Variants in IL1RAPL2 observed in about 807,000 individuals in gnomAD.
IL1RAPL2 encodes the protein interleukin 1 receptor accessory protein like 2.
In IL1RAPL2, 3 loss-of-function variants were observed where a neutral mutation model predicts 44.1. The ratio of observed to expected loss-of-function variants is 0.07; its 90% CI spans 0.03 to 0.18. The LOEUF (loss-of-function observed/expected upper bound fraction) is 0.18. Among genes scored for constraint, IL1RAPL2 ranks in the 10% least tolerant of loss-of-function variants. The pLI is 1.00. For missense variants in IL1RAPL2, 391 were observed against 496.4 expected, an observed-to-expected ratio of 0.79 and a Z score of 2.02; for synonymous variants, 181 against 178.8, an observed-to-expected ratio of 1.01 and a Z score of -0.10.
intron 2 of IL1RAPL2, among the ~76,000 whole-genome samples, chrX:105,192,254 C>T (rs1603000459): frequency 8.9e-6 from 1 of 112,250 alleles, no homozygotes. Flanking sequence ...ATCTGACTTG[C>T]ATGCATTACT....
At chrX:104,815,634 G>A (rs1390449456) in intron 2 of IL1RAPL2, among the ~76,000 whole-genome samples, 1 of 111,943 alleles carries the variant, frequency 8.9e-6, no homozygotes. Context: ...ATTTATACAT[G>A]TAATGTGTGT....
At chrX:105,618,267 GT>G (rs2037393006) in intron 6 of IL1RAPL2, among the ~76,000 whole-genome samples, 2 of 109,535 alleles carry the variant, frequency 1.8e-5, no homozygotes, top group African/African-American at 6.6e-5. Context: ...AGACACTGGG[GT>G]ATATTGCAGG....
intron 2 of IL1RAPL2, among the ~76,000 whole-genome samples, chrX:104,963,646 G>A (rs760327441): frequency 2.7e-5 from 3 of 110,958 alleles, no homozygotes; most frequent in South Asian, 3.8e-4. Context: ...GGTAGTATAC[G>A]TCCTGAAACA....
At chrX:104,632,462 T>A (rs2148012292) in intron 1 of IL1RAPL2, among the ~76,000 whole-genome samples, 1 of 111,871 alleles carries the variant, frequency 8.9e-6, no homozygotes, top group East Asian at 2.8e-4. Flanking sequence ...TATTGATTCT[T>A]CCTACCCATG....
At chrX:104,927,166 A>G (rs1009640809) in intron 2 of IL1RAPL2, among the ~76,000 whole-genome samples, 1 of 111,897 alleles carries the variant, frequency 8.9e-6, no homozygotes, top group African/African-American at 3.2e-5. Context: ...CTCCTATTGA[A>G]GATAAGACTA....
intron 6 of IL1RAPL2, among the ~76,000 whole-genome samples, chrX:105,638,051 T>G (rs775090937): frequency 1.8e-5 from 2 of 110,798 alleles, no homozygotes; most frequent in Non-Finnish European, 3.8e-5. Context: ...TCCATTCATT[T>G]GCAGACTCAG....
chrX:105,665,907 C>T (rs1316164902), intron 6 of IL1RAPL2, among the ~76,000 whole-genome samples: 3 of 106,621 alleles, frequency 2.8e-5, no homozygotes, highest in Admixed American at 1.0e-4. Context: ...GGACTACAGG[C>T]GCCCGCCACC....
intron 2 of IL1RAPL2, among the ~76,000 whole-genome samples, chrX:105,015,038 T>C (rs2031144625): frequency 8.9e-6 from 1 of 112,059 alleles, no homozygotes; most frequent in Non-Finnish European, 1.9e-5. Context: ...CTCATTGTGG[T>C]TTTGATTTGC....
intron 6 of IL1RAPL2, among the ~76,000 whole-genome samples, chrX:105,543,915 G>A (rs748767886): frequency 1.7e-4 from 19 of 111,483 alleles, no homozygotes; most frequent in Admixed American, 1.3e-3. Flanking sequence ...TTTCATTTCC[G>A]TATAAATTTT....
intron 6 of IL1RAPL2, among the ~76,000 whole-genome samples, chrX:105,489,920 C>T (rs1271039570): frequency 2.8e-5 from 3 of 108,084 alleles, no homozygotes; most frequent in South Asian, 4.1e-4. Context: ...CTCCGCCTCC[C>T]GGGTTCAAGT....
intron 2 of IL1RAPL2, among the ~76,000 whole-genome samples, chrX:104,724,109 G>A (rs1307698499): frequency 2.7e-5 from 3 of 111,338 alleles, no homozygotes; most frequent in Admixed American, 9.6e-5. Context: ...CAGGCTTTGA[G>A]AACAAAAGAT....
chrX:105,483,966 A>AAGCATATATG (rs993042852), intron 5 of IL1RAPL2, among the ~76,000 whole-genome samples: 5 of 111,739 alleles, frequency 4.5e-5, no homozygotes, highest in Non-Finnish European at 9.4e-5. Flanking sequence ...TACCACTACA[A>AAGCATATATG]AGCATATATG....
At chrX:105,267,094 T>G (rs1156710260) in intron 4 of IL1RAPL2, among the ~76,000 whole-genome samples, 1 of 111,304 alleles carries the variant, frequency 9.0e-6, no homozygotes, top group East Asian at 2.8e-4. Flanking sequence ...ATACCTCTCT[T>G]GTAATTGGGG....
rs748101220 is a variant in IL1RAPL2 at position 105,169,492 on chromosome X, C to CTTTTTTTTTTTTTTTTTTTTTT, written c.83-25974_83-25953dup. Among the ~76,000 whole-genome samples the CTTTTTTTTTTTTTTTTTTTTTT allele has an allele frequency of 4.8e-4, 20 of 41,561 alleles. 6 individuals are homozygous for CTTTTTTTTTTTTTTTTTTTTTT. Among genetic ancestry groups the CTTTTTTTTTTTTTTTTTTTTTT allele is most frequent in the African/African-American group, 2.8e-3 (20 of 7,272 alleles). 36.1% of individuals were successfully genotyped at this position (41,561 alleles called of 115,157 possible). A position where few individuals can be genotyped will look rare whatever the true frequency, so the allele number is the denominator to read the frequency against. ...TGAGAAACTTTCAGTTTCTTTCTTT[C>CTTTTTTTTTTTTTTTTTTTTTT]TTTTTTTTTTTTTTTTTTTTTTTTT... On this transcript the variant is annotated intron_variant, in intron 2 of 10. Coordinates refer to ENST00000372582, the MANE Select transcript of IL1RAPL2 (RefSeq NM_017416.2).
intron 5 of IL1RAPL2, among the ~76,000 whole-genome samples, chrX:105,316,360 G>A (rs111956846): frequency 0.11 from 12,557 of 111,495 alleles, 1,721 homozygotes; most frequent in African/African-American, 0.39. Flanking sequence ...AATGAAAAAA[G>A]GCATGAAATG....
At chrX:105,448,044 CTT>C (rs2035987872) in intron 5 of IL1RAPL2, among the ~76,000 whole-genome samples, 1 of 105,551 alleles carries the variant, frequency 9.5e-6, no homozygotes, top group South Asian at 3.8e-4. Flanking sequence ...TTCTTCAGCA[CTT>C]TAAATATGTC....
At chrX:105,452,090 C>T (rs974753880) in intron 5 of IL1RAPL2, among the ~76,000 whole-genome samples, 11 of 111,130 alleles carry the variant, frequency 9.9e-5, no homozygotes, top group African/African-American at 2.6e-4. Flanking sequence ...GGCAAAATCT[C>T]CAGTGTTGAG....
At chrX:105,639,210 A>G (rs2037546448) in intron 6 of IL1RAPL2, among the ~76,000 whole-genome samples, 1 of 111,846 alleles carries the variant, frequency 8.9e-6, no homozygotes, top group Non-Finnish European at 1.9e-5. Context: ...CACTCTGCAT[A>G]TCTCCATGCC....
chrX:105,606,495 T>C (rs1340726791), intron 6 of IL1RAPL2, among the ~76,000 whole-genome samples: 2 of 110,261 alleles, frequency 1.8e-5, no homozygotes, highest in Admixed American at 1.9e-4. Context: ...AGTATGGAGG[T>C]TCCTCAGAAA....
Sources: allele counts gnomAD v4.1 joint callset (sites outside exome capture counted in the v4.1 genomes callset), GRCh38; gene constraint gnomAD v4.1.1; transcripts MANE v1.5; gene names NCBI Gene and HGNC (gene_info 2026-07-23, HGNC 2026-07-21).